The following LPCAT4 variants were observed in gnomAD, a reference collection of about 807,000 sequenced individuals.
The protein encoded by LPCAT4 is lysophospholipid acyltransferase LPCAT4.
Under a neutral mutation model 66.5 loss-of-function variants are expected in LPCAT4, and 30 were observed. The ratio of observed to expected loss-of-function variants is 0.45; its 90% CI spans 0.34 to 0.61. The LOEUF (loss-of-function observed/expected upper bound fraction) is 0.61. Among genes scored for constraint, LPCAT4 ranks in the 20% least tolerant of loss-of-function variants. LPCAT4 has a pLI of 0.01. For synonymous variants in LPCAT4, 253 were observed against 262.1 expected (o/e 0.97, Z 0.34); for missense variants, 557 against 656.7 (o/e 0.85, Z 1.66).
chr15:34,364,090 C>T lies in LPCAT4; in HGVS notation c.592-17G>A, dbSNP rs765395083. The T allele has an allele frequency of 6.2e-7, 1 of 1,610,958 alleles. No individual in the cohort carries two copies. Among genetic ancestry groups the T allele is most frequent in the East Asian group, 2.2e-5 (1 of 44,782 alleles). The stretch of plus-strand genomic sequence containing the variant: ...GAATAGCACCTGGGGTAAAAAAGAG[C>T]AGAATGAGGTGAAGAAGACTGAAGA... On this transcript the variant is annotated splice_polypyrimidine_tract_variant and intron_variant, in intron 4 of 13. Coordinates refer to ENST00000314891, the MANE Select transcript of LPCAT4 (RefSeq NM_153613.3).
At chr15:34,364,489 T>G (rs1441351141) in intron 3 of LPCAT4, 183 bp from the exon 4 acceptor site, 1 of 525,142 alleles carries the variant, frequency 1.9e-6, no homozygotes, top group East Asian at 3.3e-5. Flanking sequence ...AATGGCTCGA[T>G]CTCAGCTCAC....
Position 34,360,120 on chromosome 15 carries a change from C to G in LPCAT4, c.1233G>C (p.Leu411=), listed in dbSNP as rs753885627. 5.6e-6 allele frequency: 9 copies of G among 1,613,388 alleles called. No individual in the cohort carries two copies. Residue 411 remains leucine, a synonymous_variant, in exon 12 of 14, where the codon CTG becomes CTC. Transcript: ENST00000314891. ...CGCCACCCCCCATTACCTCAAAGGC[C>G]AGACGAGTTAGCTCTTCCAGGCTCC... is the stretch of plus-strand genomic sequence containing the variant. The part of the protein sequence containing the change: ...GGRSLEELTR[L]AFELFAEEQA...
Position 34,364,421 on chromosome 15 carries a change from T to TTTC in LPCAT4, c.479-116_479-115insGAA, listed in dbSNP as rs1203822479. ...AAGTTTCTGTTATCTCTTTTTTTTTTTTTTCTGTTGTTGTTGTTTGAGACA... is the reference window on the plus strand; with the variant it reads ...AAGTTTCTGTTATCTCTTTTTTTTTTTTCTTTTCTGTTGTTGTTGTTTGAGACA... On this transcript the variant is annotated intron_variant, in intron 3 of 13. Coordinates refer to ENST00000314891, the MANE Select transcript of LPCAT4 (RefSeq NM_153613.3). 350 of 622,344 alleles carry TTTC rather than the reference T, an allele frequency of 5.6e-4. 4 individuals carry two copies. The East Asian group carries it at 0.01, about 18-fold the overall frequency. The allele number at this position is 622,344 out of a possible 1,614,324, so 38.6% of individuals were successfully genotyped here.
Position 34,362,068 on chromosome 15 carries a change from T to C in LPCAT4, c.1010+128A>G, listed in dbSNP as rs189508372. The C allele has an allele frequency of 4.2e-4, 521 of 1,239,690 alleles. No individual in the cohort carries two copies. In the African/African-American group the frequency reaches 7.5e-3, roughly 18 times the overall value. The allele number at this position is 1,239,690 out of a possible 1,614,324, so 76.8% of individuals were successfully genotyped here. A position where few individuals can be genotyped will look rare whatever the true frequency, so the allele number is the denominator to read the frequency against. ...ATTCCCCACTTCCTTTTATTTATTCTATTATCTTTCTTCCCAGTTTTTTTC... is the reference window on the plus strand; with the variant it reads ...ATTCCCCACTTCCTTTTATTTATTCCATTATCTTTCTTCCCAGTTTTTTTC... On this transcript the variant is annotated intron_variant, in intron 10 of 13. Coordinates refer to ENST00000314891, the MANE Select transcript of LPCAT4 (RefSeq NM_153613.3).
intron 10 of LPCAT4, 52 bp downstream of exon 10, chr15:34,362,144 C>A: frequency 6.3e-7 from 1 of 1,599,118 alleles, no homozygotes. Context: ...CTTATTCTCT[C>A]TCTCTCTCTC....
At chr15:34,366,921 A>T (rs2140172169) in intron 1 of LPCAT4, 66 bp downstream of exon 1, 2 of 1,526,850 alleles carry the variant, frequency 1.3e-6, no homozygotes, top group Middle Eastern at 3.4e-4. Context: ...CACCTTTGCC[A>T]GGGCTCAAAT....
Position 34,364,189 on chromosome 15 carries a change from C to T in LPCAT4, c.591+5G>A. On this transcript the variant is annotated splice_donor_5th_base_variant and intron_variant, in intron 4 of 13. Coordinates refer to ENST00000314891, the MANE Select transcript of LPCAT4 (RefSeq NM_153613.3). ...TGAGAAGATGGTCTTGAGACCCTTA[C>T]CCACCTGCGGCCACTTGCCTCCTGA... 1.9e-6 allele frequency: 3 copies of T among 1,607,624 alleles called. No individual in the cohort carries two copies. The highest frequency in any genetic ancestry group is 2.6e-6 in the Non-Finnish European group (3 of 1,174,038).
rs1347419100 is a variant in LPCAT4, at chr15:34,364,010, C to T, written c.652+3G>A. 3.7e-6 allele frequency: 6 copies of T among 1,611,074 alleles called. No homozygotes were observed. The South Asian group carries it at 6.6e-5, about 18-fold the overall frequency. On this transcript the variant is annotated splice_donor_region_variant and intron_variant, in intron 5 of 13. Transcript: ENST00000314891. ...GCCCACCACCCACTATCATTTTATT[C>T]ACCTGGTTTGAACTTAAGCAAAGCC...
Position 34,361,387 on chromosome 15 carries a change from C to T in LPCAT4, c.1143+13G>A, listed in dbSNP as rs952350208. ...CCTGGGTTCTGCTCTGCTCTTTGTT[C>T]CAGCTCCTTTACCTGCTGGAAGTAG... On this transcript the variant is annotated intron_variant, in intron 11 of 13. Coordinates refer to ENST00000314891, the MANE Select transcript of LPCAT4 (RefSeq NM_153613.3). The T allele has an allele frequency of 3.3e-5, 53 of 1,613,984 alleles. No individual in the cohort carries two copies. The highest frequency in any genetic ancestry group is 4.3e-5 in the Non-Finnish European group (51 of 1,179,998).
Position 34,360,076 on chromosome 15 carries a change from A to C in LPCAT4, c.1242+35T>G, listed in dbSNP as rs1227760213. ...CTCCTGGAGCGGGGTGAGCATAGCC[A>C]CTAAGCACCCCCCACCACCGCCACC... is the stretch of plus-strand genomic sequence containing the variant. On this transcript the variant is annotated intron_variant, in intron 12 of 13. Coordinates refer to ENST00000314891, the MANE Select transcript of LPCAT4 (RefSeq NM_153613.3). 4 of 1,502,870 alleles carry C rather than the reference A, an allele frequency of 2.7e-6. No homozygotes were observed. In the African/African-American group the frequency reaches 4.1e-5, roughly 16 times the overall value. 93.1% of individuals were successfully genotyped at this position (1,502,870 alleles called of 1,614,324 possible).
rs202180768 is a variant in LPCAT4, at chr15:34,359,710, G to C, written c.1278C>G (p.Arg426=). The C allele has an allele frequency of 1.0e-4, 169 of 1,613,722 alleles. No homozygotes were observed. The highest frequency in any genetic ancestry group is 3.4e-4 in the Middle Eastern group (2 of 5,840). The stretch of plus-strand genomic sequence containing the variant: ...TGCTGAAGCCGTCTTTGTACAGCAG[G>C]CGGTTGGGACCCTCTGCTTGCTCTT... ...FAEEQAEGPN[R]LLYKDGFSTI... The change falls in exon 13 of 14, where the codon CGC becomes CGG. Residue 426 remains arginine, a synonymous_variant. Coordinates refer to ENST00000314891, the MANE Select transcript of LPCAT4 (RefSeq NM_153613.3).
chr15:34,362,198 A>G lies in LPCAT4; in HGVS notation c.1008T>C (p.Ala336=), dbSNP rs763073813. Residue 336 remains alanine (A), a splice_region_variant and synonymous_variant, in exon 10 of 14, where the codon GCT becomes GCC. Coordinates refer to ENST00000314891, the MANE Select transcript of LPCAT4 (RefSeq NM_153613.3). ...LWELGKVLRK[A]GLSAGYVDAG... The stretch of plus-strand genomic sequence containing the variant: ...CCCTCATTTCCAAGACCACTTACCC[A>G]GCCTTCCGAAGCACTTTTCCCAGTT... The G allele has an allele frequency of 6.2e-7, 1 of 1,612,186 alleles. No individual in the cohort carries two copies. Among genetic ancestry groups the G allele is most frequent in the Non-Finnish European group, 8.5e-7 (1 of 1,179,684 alleles).
intron 3 of LPCAT4, 165 bp from the exon 4 acceptor site, chr15:34,364,471 TGGA>T (rs1891025937): frequency 1.8e-6 from 1 of 564,214 alleles, no homozygotes; most frequent in African/African-American, 1.9e-5. Flanking sequence ...TTGCCCAGGC[TGGA>T]GTGCAATGGC....
chr15:34,364,885 A>T (rs762692860), intron 3 of LPCAT4, 123 bp downstream of exon 3: 1 of 748,734 alleles, frequency 1.3e-6, no homozygotes, highest in Non-Finnish European at 2.2e-6. Context: ...GTGTTAATTT[A>T]TATTTCACTT....
In LPCAT4 at chr15:34,363,561, C is replaced by T; in HGVS notation, c.711+100G>A. The T allele has an allele frequency of 6.3e-7, 1 of 1,595,136 alleles. No homozygotes were observed. The highest frequency in any genetic ancestry group is 8.6e-7 in the Non-Finnish European group (1 of 1,163,328). ...CCTGATCCCACCTCTGGTCACAGCCCCCAATGCACATCCCATTAAAGCACC... is the reference window on the plus strand; with the variant it reads ...CCTGATCCCACCTCTGGTCACAGCCTCCAATGCACATCCCATTAAAGCACC... On this transcript the variant is annotated intron_variant, in intron 6 of 13. Coordinates refer to ENST00000314891, the MANE Select transcript of LPCAT4 (RefSeq NM_153613.3). The surrounding 1 kb of genome is among the most constrained non-coding windows in gnomAD (Gnocchi z 4.3).
Position 34,367,181 on chromosome 15 carries a change from G to GCT in LPCAT4, c.-82_-81insAG. ...CAGAGCAGCTGCTGCTGCAGCAGCG[G>GCT]CGGCGGCGGCGCTCTGGCCCGGGCC... On this transcript the variant is annotated 5_prime_UTR_variant, in exon 1 of 14. Transcript: ENST00000314891. 8.0e-6 allele frequency: 10 copies of GCT among 1,244,866 alleles called. No homozygotes were observed. In the South Asian group the frequency reaches 1.0e-4, roughly 13 times the overall value. 77.1% of individuals were successfully genotyped at this position (1,244,866 alleles called of 1,614,324 possible). A position where few individuals can be genotyped will look rare whatever the true frequency, so the allele number is the denominator to read the frequency against.
In LPCAT4 at chr15:34,363,804, G is replaced by C; in HGVS notation, c.653-85C>G. 6.7e-7 allele frequency: 1 copy of C among 1,497,938 alleles called. No individual in the cohort carries two copies. Among genetic ancestry groups the C allele is most frequent in the Non-Finnish European group, 9.3e-7 (1 of 1,075,492 alleles). The allele number at this position is 1,497,938 out of a possible 1,614,324, so 92.8% of individuals were successfully genotyped here. Reference sequence around the variant, plus strand: ...GAGGGCATGAGGTATGGCAGTCTGGGACAGTTCTCAAATGAGATATGGTTT... The same window carrying C: ...GAGGGCATGAGGTATGGCAGTCTGGCACAGTTCTCAAATGAGATATGGTTT... On this transcript the variant is annotated intron_variant, in intron 5 of 13. Coordinates refer to ENST00000314891, the MANE Select transcript of LPCAT4 (RefSeq NM_153613.3). The surrounding 1 kb of genome is among the most constrained non-coding windows in gnomAD (Gnocchi z 4.3).
rs1891057052 is a variant in LPCAT4 at position 34,365,591 on chromosome 15, C to T, written c.225G>A (p.Glu75=). The change falls in exon 2 of 14, where the codon GAG becomes GAA. Residue 75 remains glutamate, a synonymous_variant. Transcript: ENST00000314891. ...ATCCTGTAATTGGCTCCTGAAGCTGCTCCTCACTAAGACCGGCCACTTGAA... is the reference window on the plus strand; with the variant it reads ...ATCCTGTAATTGGCTCCTGAAGCTGTTCCTCACTAAGACCGGCCACTTGAA... ...AWLQVAGLSE[E]QLQEPITGWR... is the part of the protein sequence containing the mutation. The T allele has an allele frequency of 1.2e-6, 2 of 1,614,216 alleles. No individual in the cohort carries two copies. Among genetic ancestry groups the T allele is most frequent in the South Asian group, 1.1e-5 (1 of 91,084 alleles).
In LPCAT4 at chr15:34,365,671, T is replaced by C. The variant is rs781433645; in HGVS notation, c.145A>G (p.Ile49Val). The C allele has an allele frequency of 3.7e-6, 6 of 1,613,906 alleles. No individual in the cohort carries two copies. The Admixed American group carries it at 1.0e-4, about 27-fold the overall frequency. The part of the protein sequence containing the change: ...FCLLGALLAP[I>V]RVLLAFIVLF... ...ACGATAAAGGCCAGAAGCACTCGGATGGGGGCCAGCAATGCCCCCAGGAGG... is the reference window on the plus strand; with the variant it reads ...ACGATAAAGGCCAGAAGCACTCGGACGGGGGCCAGCAATGCCCCCAGGAGG... Residue 49 changes from isoleucine (I) to valine (V), a missense_variant, in exon 2 of 14, where the codon ATC becomes GTC. By Grantham distance (29) the Ile-to-Val change is conservative (BLOSUM62 3). Around this residue, in one of 4 missense-constraint regions of LPCAT4, gnomAD observed 94 missense variants for 71.5 expected, o/e 1.32. Coordinates refer to ENST00000314891, the MANE Select transcript of LPCAT4 (RefSeq NM_153613.3).
Sources: allele counts gnomAD v4.1 joint callset, GRCh38; gene constraint gnomAD v4.1.1; regional missense constraint gnomAD v4.1.1; non-coding constraint Gnocchi (gnomAD v3.1); transcripts MANE v1.5; gene names NCBI Gene and HGNC (gene_info 2026-07-23, HGNC 2026-07-21).